GALK2: variants seen among roughly 807,000 people sequenced by gnomAD.
GALK2 encodes N-acetylgalactosamine kinase.
A neutral mutation model predicts 52.4 loss-of-function variants in GALK2; 36 were observed. The observed-to-expected ratio is 0.69, with a 90% CI of 0.53 to 0.91. GALK2 has a LOEUF of 0.91. GALK2 is among the 40% of genes least tolerant of loss of function. GALK2 has a pLI of 0.00. For synonymous variants in GALK2, 176 were observed against 199.1 expected, an observed-to-expected ratio of 0.88 and a Z score of 0.98; for missense variants, 579 against 559.1, an observed-to-expected ratio of 1.04 and a Z score of -0.36.
At chr15:49,367,720 TAAAGG>T (rs1284071166) in exon 4 of GALK2, 3 of 1,031,918 alleles carry the variant, frequency 2.9e-6, no homozygotes, top group Non-Finnish European at 4.1e-6. Flanking sequence ...TATATTAAAA[TAAAGG>T]AAATTCTACA....
intron 1 of GALK2, among the ~76,000 whole-genome samples, chr15:49,160,816 G>A (rs1297545830): frequency 7.9e-5 from 12 of 152,036 alleles, no homozygotes; most frequent in Admixed American, 7.9e-4. Context: ...GGAGGTTGCA[G>A]TGAGCTGAGA....
chr15:49,155,831 A>C (rs964959638), exon 1 of GALK2: 2 of 767,370 alleles, frequency 2.6e-6, no homozygotes, highest in Non-Finnish European at 4.3e-6. Context: ...CCGGTGCTGC[A>C]GGTCTCAGCC....
chr15:49,338,236 A>G (rs2040099613), intron 3 of GALK2, among the ~76,000 whole-genome samples: 1 of 152,038 alleles, frequency 6.6e-6, no homozygotes, highest in African/African-American at 2.4e-5. Flanking sequence ...GATGGTCTTT[A>G]CAATTTGGTA....
chr15:49,187,237 C>T (rs563127709), intron 1 of GALK2, among the ~76,000 whole-genome samples: 5 of 152,260 alleles, frequency 3.3e-5, no homozygotes, highest in African/African-American at 1.2e-4. Context: ...TGGGAGAATT[C>T]CCTGGATTAC....
chr15:49,319,877 C>T (rs1192912444), intron 9 of GALK2, 72 bp downstream of exon 9: 3 of 1,298,824 alleles, frequency 2.3e-6, no homozygotes, highest in East Asian at 5.0e-5. Flanking sequence ...AAAAATGCAA[C>T]ATTTCATAAT....
intron 7 of GALK2, among the ~76,000 whole-genome samples, chr15:49,288,383 A>G (rs1006162696): frequency 3.3e-5 from 5 of 152,302 alleles, no homozygotes; most frequent in Middle Eastern, 3.4e-3. Flanking sequence ...ACTTCAAGGA[A>G]AATTTACAGT....
chr15:49,328,106 AGTTT>A lies in GALK2; in HGVS notation c.1330_1333del (p.Phe444LeufsTer18). 1.1e-5 allele frequency: 18 copies of A among 1,614,082 alleles called. No individual in the cohort carries two copies. The highest frequency in any genetic ancestry group is 1.5e-5 in the Non-Finnish European group (18 of 1,179,996). On this transcript the variant is annotated frameshift_variant, in exon 10 of 10. Coordinates refer to ENST00000560031, the MANE Select transcript of GALK2 (RefSeq NM_002044.4). LOFTEE classifies it high-confidence loss of function. ...TGGAAGCTTAGCACCGGAGAAGCAA[AGTTT>A]GTTTGCTACCAAACCTGGAGGTGGG...
chr15:49,355,390 C>G (rs2042972653), intron 3 of GALK2, among the ~76,000 whole-genome samples: 1 of 152,042 alleles, frequency 6.6e-6, no homozygotes, highest in South Asian at 2.1e-4. Flanking sequence ...CAGAGAACTG[C>G]CTAAAGGAGC....
chr15:49,318,169 A>G (rs1462259083), intron 8 of GALK2: 1 of 152,226 alleles, frequency 6.6e-6, no homozygotes, highest in African/African-American at 2.4e-5. Context: ...CCAGCTCAGC[A>G]ACTGTTCAGC....
chr15:49,173,542 A>G (rs960031260), intron 1 of GALK2, among the ~76,000 whole-genome samples: 1 of 152,076 alleles, frequency 6.6e-6, no homozygotes, highest in Non-Finnish European at 1.5e-5. Context: ...GCCAATTTCT[A>G]CTTCTCTTCT....
At chr15:49,337,332 T>C (rs569692706) in intron 3 of GALK2, among the ~76,000 whole-genome samples, 13 of 152,188 alleles carry the variant, frequency 8.5e-5, no homozygotes, top group Non-Finnish European at 1.9e-4. Flanking sequence ...TTTCCTTTTC[T>C]CTGCAGCCCC....
chr15:49,353,460 G>C (rs1322525061), intron 3 of GALK2: 1 of 152,044 alleles, frequency 6.6e-6, no homozygotes, highest in Non-Finnish European at 1.5e-5. Flanking sequence ...GTTGCCACAG[G>C]ATTTTTAGGC....
At chr15:49,355,193 C>T (rs1370204725) in intron 3 of GALK2, among the ~76,000 whole-genome samples, 2 of 152,130 alleles carry the variant, frequency 1.3e-5, no homozygotes, top group East Asian at 1.9e-4. Context: ...CTCTCCTCCT[C>T]CAAAGGAACG....
chr15:49,354,344 C>A (rs1596439460), intron 3 of GALK2, among the ~76,000 whole-genome samples: 1 of 152,350 alleles, frequency 6.6e-6, no homozygotes, highest in East Asian at 1.9e-4. Context: ...CCGGGTTCAT[C>A]TCACTAGGGA....
In GALK2 at chr15:49,328,881, C is replaced by A. The variant is rs2038019538; in HGVS notation, c.*722C>A. ...AATAACCACTTTCAATTCTTTTGGC[C>A]CTGAGCTATCTCCATTACTTAATAG... On this transcript the variant is annotated 3_prime_UTR_variant, in exon 10 of 10. Transcript: ENST00000560031. The A allele has an allele frequency of 7.6e-6, 10 of 1,316,824 alleles. No homozygotes were observed. In the East Asian group the frequency reaches 2.7e-4, roughly 35 times the overall value. The allele number at this position is 1,316,824 out of a possible 1,614,324, so 81.6% of individuals were successfully genotyped here.
At chr15:49,257,899 A>G (rs1168515522) in intron 5 of GALK2, among the ~76,000 whole-genome samples, 1 of 150,116 alleles carries the variant, frequency 6.7e-6, no homozygotes, top group African/African-American at 2.4e-5. Flanking sequence ...GGATTATTTT[A>G]TTTAATTTTA....
chr15:49,236,591 C>G (rs2090819499), intron 4 of GALK2, among the ~76,000 whole-genome samples: 1 of 152,172 alleles, frequency 6.6e-6, no homozygotes, highest in Non-Finnish European at 1.5e-5. Flanking sequence ...AATGTTTTCA[C>G]TCTCATAATT....
chr15:49,292,472 GC>G lies in GALK2; in HGVS notation c.903del (p.Cys301Ter). 1 of 1,614,020 alleles carries G rather than the reference GC, an allele frequency of 6.2e-7. No individual in the cohort carries two copies. Among genetic ancestry groups the G allele is most frequent in the South Asian group, 1.1e-5 (1 of 91,074 alleles). ...HPEPYNPEEI[C>X]RCLGISLEEL... ...GAACCCTATAACCCTGAGGAGATCT[GC>G]AGGTGTCTGGGAATTAGCCTGGAGG... On this transcript the variant is annotated frameshift_variant, in exon 8 of 10. Coordinates refer to ENST00000560031, the MANE Select transcript of GALK2 (RefSeq NM_002044.4). LOFTEE classifies it high-confidence loss of function.
At chr15:49,311,957 G>A (rs113936313) in intron 8 of GALK2, among the ~76,000 whole-genome samples, 9,192 of 152,268 alleles carry the variant, frequency 0.06, 553 homozygotes, top group African/African-American at 0.15. Flanking sequence ...CTGAGAGATT[G>A]GGCCGGGGGC....
Sources: gnomAD v4.1 joint callset for allele counts (sites outside exome capture counted in the v4.1 genomes callset) on GRCh38, gnomAD v4.1.1 for gene constraint, MANE v1.5 for transcripts, NCBI Gene and HGNC (gene_info 2026-07-23, HGNC 2026-07-21) for gene names.